MYO5A: variants seen among roughly 807,000 people sequenced by gnomAD.
The protein encoded by MYO5A is myosin VA.
A neutral mutation model predicts 249.7 loss-of-function variants in MYO5A; 98 were observed. That is an observed-to-expected ratio of 0.39 (90% CI 0.33 to 0.46). The LOEUF (loss-of-function observed/expected upper bound fraction) is 0.46, where lower values mean the gene tolerates loss of function less well. Among genes scored for constraint, MYO5A ranks in the 20% least tolerant of loss-of-function variants. MYO5A has a pLI of 0.98. For missense variants in MYO5A, 1,696 were observed against 2,308.8 expected (o/e 0.73, Z 5.44); for synonymous variants, 778 against 810.6 (o/e 0.96, Z 0.68).
chr15:52,419,954 A>C (rs1967624), intron 4 of MYO5A, among the ~76,000 whole-genome samples: 8,469 of 152,296 alleles, frequency 0.056, 307 homozygotes, highest in South Asian at 0.14. Flanking sequence ...TGTGTTCCTC[A>C]AAGTTCATAT....
Position 52,397,285 on chromosome 15 carries a change from A to C in MYO5A, c.1235T>G (p.Phe412Cys). ...ATTGACATTATCTACAATCCAGTTA[A>C]AGAGCTTGGCATAGATGTGCTTGGC... Reference protein sequence around the residue: ...ALAKHIYAKLFNWIVDNVNQA... With the variant: ...ALAKHIYAKLCNWIVDNVNQA... Residue 412 changes from phenylalanine to cysteine, a missense_variant, in exon 10 of 42, where the codon TTT becomes TGT. By Grantham distance (205) the Phe-to-Cys change is radical. Around this residue, in one of 5 missense-constraint regions of MYO5A, gnomAD observed 185 missense variants for 204.8 expected, o/e 0.90. Coordinates refer to ENST00000399233, the MANE Select transcript of MYO5A (RefSeq NM_001382347.1). 1 of 1,614,138 alleles carries C rather than the reference A, an allele frequency of 6.2e-7. No individual in the cohort carries two copies. The highest frequency in any genetic ancestry group is 8.5e-7 in the Non-Finnish European group (1 of 1,180,012).
chr15:52,378,035 T>C (rs1596370953), intron 18 of MYO5A, among the ~76,000 whole-genome samples: 1 of 152,192 alleles, frequency 6.6e-6, no homozygotes, highest in East Asian at 1.9e-4. Flanking sequence ...ATTGGAAACC[T>C]AGCTAGAAAA....
At chr15:52,329,905 A>ATTTTT (rs58058940) in intron 35 of MYO5A, among the ~76,000 whole-genome samples, 3 of 119,750 alleles carry the variant, frequency 2.5e-5, no homozygotes, top group African/African-American at 4.0e-5. Context: ...CGCCTGGGTA[A>ATTTTT]TTTTTTTTTT....
chr15:52,510,303 ATAAT>A (rs751243935), intron 1 of MYO5A, among the ~76,000 whole-genome samples: 3 of 152,250 alleles, frequency 2.0e-5, no homozygotes, highest in South Asian at 4.1e-4. Flanking sequence ...ACATTTTAAA[ATAAT>A]TAATTTAGCC....
intron 1 of MYO5A, among the ~76,000 whole-genome samples, chr15:52,438,390 C>T (rs1334330458): frequency 6.6e-6 from 1 of 152,154 alleles, no homozygotes; most frequent in Non-Finnish European, 1.5e-5. Context: ...ACTTAGTCTG[C>T]AGAAGGCCCT....
In MYO5A at chr15:52,384,201, C is replaced by T. The variant is rs766899142; in HGVS notation, c.1874G>A (p.Gly625Asp). The change falls in exon 15 of 42, where the codon GGC becomes GAC. Residue 625 changes from glycine to aspartate, a missense_variant. Gly to Asp is a moderately conservative substitution (Grantham distance 94). This residue lies in a region of MYO5A where 277 missense variants were observed against 422.4 expected (regional missense o/e 0.66). Transcript: ENST00000399233. ...TPAKPTKGRP[G>D]QMAKEHKKTV... ...TTTCTTGTGCTCTTTGGCCATTTGGCCTGGTCTGCCTTTGGTGGGCTTTGC... is the reference window on the plus strand; with the variant it reads ...TTTCTTGTGCTCTTTGGCCATTTGGTCTGGTCTGCCTTTGGTGGGCTTTGC... 7 of 1,614,028 alleles carry T rather than the reference C, an allele frequency of 4.3e-6. No homozygotes were observed. Among genetic ancestry groups the T allele is most frequent in the Middle Eastern group, 1.6e-4 (1 of 6,084 alleles).
intron 38 of MYO5A, among the ~76,000 whole-genome samples, chr15:52,319,822 T>G (rs1054130798): frequency 2.0e-5 from 3 of 152,240 alleles, no homozygotes; most frequent in Non-Finnish European, 4.4e-5. Context: ...ACTGAAGGAA[T>G]AATTCTTAAT....
chr15:52,455,376 A>C (rs2076097272), intron 1 of MYO5A, among the ~76,000 whole-genome samples: 1 of 152,132 alleles, frequency 6.6e-6, no homozygotes, highest in South Asian at 2.1e-4. Context: ...AATTCTACCA[A>C]GCAGTTAAGG....
chr15:52,367,058 T>C lies in MYO5A; in HGVS notation c.3133A>G (p.Ile1045Val). Residue 1045 changes from isoleucine to valine, a missense_variant, in exon 23 of 42, where the codon ATC (isoleucine) becomes GTC (valine). By Grantham distance (29) the Ile-to-Val change is conservative (BLOSUM62 3). Transcript: ENST00000399233. ...KQEKEALNHR[I>V]VQQAKEMTET... is the part of the protein sequence containing the mutation. ...GTCATCTCCTTAGCCTGCTGCACGA[T>C]GCGGTGATTGAGGGCTTCTTTTTCT... The C allele has an allele frequency of 6.2e-7, 1 of 1,613,890 alleles. No individual in the cohort carries two copies. The highest frequency in any genetic ancestry group is 1.1e-5 in the South Asian group (1 of 91,080).
rs777221588 is a variant in MYO5A at position 52,346,456 on chromosome 15, T to C, written c.3864A>G (p.Thr1288=). The C allele has an allele frequency of 1.1e-5, 17 of 1,576,854 alleles. No homozygotes were observed. The Admixed American group carries it at 2.5e-4, about 23-fold the overall frequency. Residue 1288 remains threonine, a synonymous_variant, in exon 30 of 42, where the codon ACA becomes ACG. Transcript: ENST00000399233. The stretch of plus-strand genomic sequence containing the variant: ...CCAAAAGTATTGTGGAATCTGTCAT[T>C]GTATTCTGAGAGGGAAATAACACAT... ...EAIQPKDDKN[T]MTDSTILLED...
At chr15:52,513,787 C>A (rs573471891) in intron 1 of MYO5A, among the ~76,000 whole-genome samples, 1 of 152,142 alleles carries the variant, frequency 6.6e-6, no homozygotes, top group Non-Finnish European at 1.5e-5. Context: ...TGATTGGGTA[C>A]CACTCAGGGG....
intron 34 of MYO5A, among the ~76,000 whole-genome samples, chr15:52,331,199 TTTC>T (rs1407639774): frequency 6.6e-6 from 1 of 151,912 alleles, no homozygotes; most frequent in Non-Finnish European, 1.5e-5. Flanking sequence ...TTATTTTTTA[TTTC>T]TTTTTAATAT....
intron 1 of MYO5A, among the ~76,000 whole-genome samples, chr15:52,473,274 T>A (rs529859116): frequency 1.4e-3 from 218 of 152,330 alleles, no homozygotes; most frequent in African/African-American, 5.1e-3. Flanking sequence ...GTTTAAGTTC[T>A]TTGTAGATTC....
At position 52,353,631 on chromosome 15, in the gene MYO5A, C is replaced by G. The variant is rs748726139; in HGVS notation, c.3595G>C (p.Ala1199Pro). The part of the protein sequence containing the change: ...KEEERPQIRG[A>P]ELEYESLKRQ... ...TTGAGTGACTCATATTCCAGTTCTG[C>G]ACCTCTAATTTGTGGTCTTTCTTCT... Residue 1199 changes from alanine (A) to proline (P), a missense_variant, in exon 27 of 42, where the codon GCA (alanine) becomes CCA (proline). Ala to Pro is a conservative substitution (Grantham distance 27, BLOSUM62 -1). This residue lies in a region of MYO5A where 625 missense variants were observed against 908.1 expected (regional missense o/e 0.69). Coordinates refer to ENST00000399233, the MANE Select transcript of MYO5A (RefSeq NM_001382347.1). The G allele has an allele frequency of 1.9e-6, 3 of 1,613,872 alleles. No homozygotes were observed. The African/African-American group carries it at 4.0e-5, about 22-fold the overall frequency.
chr15:52,511,110 G>A (rs1463058892), intron 1 of MYO5A, among the ~76,000 whole-genome samples: 1 of 152,170 alleles, frequency 6.6e-6, no homozygotes, highest in Admixed American at 6.5e-5. Context: ...TCATTTTCCT[G>A]AGACAAAGGC....
intron 14 of MYO5A, among the ~76,000 whole-genome samples, chr15:52,386,489 C>A (rs1259726774): frequency 6.6e-6 from 1 of 152,030 alleles, no homozygotes; most frequent in Admixed American, 6.6e-5. Context: ...TGGGAATTTT[C>A]TCTTACATAT....
chr15:52,508,619 C>A (rs2077324179), intron 1 of MYO5A, among the ~76,000 whole-genome samples: 1 of 152,150 alleles, frequency 6.6e-6, no homozygotes, highest in Non-Finnish European at 1.5e-5. Context: ...TTATTCCCCG[C>A]CTCACCCCCA....
intron 1 of MYO5A, among the ~76,000 whole-genome samples, chr15:52,454,809 G>C (rs1207090184): frequency 4.6e-5 from 7 of 151,934 alleles, no homozygotes; most frequent in Non-Finnish European, 1.0e-4. Context: ...AAATCTATGG[G>C]ATACAGCAAA....
At chr15:52,468,410 C>A (rs1265430978) in intron 1 of MYO5A, among the ~76,000 whole-genome samples, 1 of 152,194 alleles carries the variant, frequency 6.6e-6, no homozygotes, top group Non-Finnish European at 1.5e-5. Flanking sequence ...ATAATCCCAG[C>A]ATTTTGAGAG....
Sources: allele counts gnomAD v4.1 joint callset (sites outside exome capture counted in the v4.1 genomes callset), GRCh38; gene constraint gnomAD v4.1.1; regional missense constraint gnomAD v4.1.1; transcripts MANE v1.5; gene names NCBI Gene and HGNC (gene_info 2026-07-23, HGNC 2026-07-21).